Variants in PAFAH1B1 observed in about 807,000 individuals in gnomAD.
PAFAH1B1 encodes platelet activating factor acetylhydrolase 1b regulatory subunit 1.
A neutral mutation model predicts 57.5 loss-of-function variants in PAFAH1B1; 2 were observed. The ratio of observed to expected loss-of-function variants is 0.03; its 90% CI spans 0.01 to 0.11. The LOEUF (loss-of-function observed/expected upper bound fraction) is 0.11. Among genes scored for constraint, PAFAH1B1 ranks in the 10% least tolerant of loss-of-function variants. The probability of loss-of-function intolerance (pLI) is 1.00; values close to 1 mark genes in which losing one functional copy is unlikely to be tolerated. For missense variants in PAFAH1B1, 257 were observed against 512.0 expected (o/e 0.50, Z 4.81); for synonymous variants, 152 against 169.6 (o/e 0.90, Z 0.81).
At chr17:2,601,934 T>A (rs2068148722) in intron 1 of PAFAH1B1, among the ~76,000 whole-genome samples, 1 of 152,218 alleles carries the variant, frequency 6.6e-6, no homozygotes, top group African/African-American at 2.4e-5. Context: ...AGAAATGAGC[T>A]AAGATTTGTC....
chr17:2,596,931 T>C (rs2068089391), intron 1 of PAFAH1B1, among the ~76,000 whole-genome samples: 1 of 152,026 alleles, frequency 6.6e-6, no homozygotes, highest in South Asian at 2.1e-4. Context: ...TCTTGTGCCA[T>C]GCGCCTGTAA....
intron 2 of PAFAH1B1, among the ~76,000 whole-genome samples, chr17:2,644,320 T>C (rs1473374989): frequency 6.6e-6 from 1 of 152,138 alleles, no homozygotes; most frequent in African/African-American, 2.4e-5. Context: ...GACGGGTGCA[T>C]GACCTTAGGT....
intron 2 of PAFAH1B1, among the ~76,000 whole-genome samples, chr17:2,665,050 T>C (rs1416494827): frequency 6.6e-6 from 1 of 152,184 alleles, no homozygotes; most frequent in African/African-American, 2.4e-5. Context: ...CACAGAGCCA[T>C]AGCTTGATCT....
intron 1 of PAFAH1B1, among the ~76,000 whole-genome samples, chr17:2,626,547 C>G (rs1411076981): frequency 3.7e-5 from 3 of 81,082 alleles, no homozygotes; most frequent in African/African-American, 1.6e-4. Flanking sequence ...CCGGCATCAC[C>G]TTTCTTCCCC....
rs1003944153 is a variant in PAFAH1B1, at chr17:2,685,251, A to G, written c.*3449A>G. ...TATCTTCCCACTGTATCATGGAAGT[A>G]GCTGCTTGCTTGTACTGTCCATCCT... On this transcript the variant is annotated 3_prime_UTR_variant, in exon 11 of 11. Transcript: ENST00000397195. 2.0e-5 allele frequency: 3 copies of G among 152,608 alleles called. No individual in the cohort carries two copies. Among genetic ancestry groups the G allele is most frequent in the African/African-American group, 7.2e-5 (3 of 41,444 alleles). The allele number at this position is 152,608 out of a possible 1,614,324, so 9.5% of individuals were successfully genotyped here.
chr17:2,626,553 T>TTCCCC (rs2068493497), intron 1 of PAFAH1B1, among the ~76,000 whole-genome samples: 1 of 32,696 alleles, frequency 3.1e-5, no homozygotes, highest in African/African-American at 9.5e-5. Flanking sequence ...TCACCTTTCT[T>TTCCCC]CCCCCCCCCC....
chr17:2,676,687 A>G, intron 9 of PAFAH1B1, 81 bp downstream of exon 9: 2 of 853,736 alleles, frequency 2.3e-6, no homozygotes, highest in Non-Finnish European at 4.1e-6. Context: ...GATATCTTAA[A>G]TAATCTGAAT....
At chr17:2,597,468 T>C (rs1009984084) in intron 1 of PAFAH1B1, among the ~76,000 whole-genome samples, 1 of 135,160 alleles carries the variant, frequency 7.4e-6, no homozygotes, top group Non-Finnish European at 1.5e-5. Context: ...TAGAGTGCAG[T>C]GGGGTGATCT....
intron 2 of PAFAH1B1, chr17:2,661,881 T>G (rs2069018995): frequency 1.3e-5 from 2 of 151,982 alleles, no homozygotes; most frequent in Admixed American, 6.6e-5. Flanking sequence ...AAACCCCATC[T>G]CTACAAAAAA....
At chr17:2,676,457 A>G (rs1178921299) in intron 8 of PAFAH1B1, 48 bp from the exon 9 acceptor site, 1 of 1,157,366 alleles carries the variant, frequency 8.6e-7, no homozygotes, top group Non-Finnish European at 1.3e-6. Flanking sequence ...TAAAGTCCAT[A>G]CCTAACTTCT....
chr17:2,626,569 C>A (rs1019192258), intron 1 of PAFAH1B1, among the ~76,000 whole-genome samples: 10 of 74,524 alleles, frequency 1.3e-4, no homozygotes, highest in Non-Finnish European at 2.6e-4. Flanking sequence ...CCCCCCCCCC[C>A]CCGAGGCGGA....
chr17:2,595,420 G>GTTTT (rs1233555187), intron 1 of PAFAH1B1, among the ~76,000 whole-genome samples: 1 of 90,806 alleles, frequency 1.1e-5, no homozygotes, highest in South Asian at 3.1e-4. Context: ...AGGAGTGTTT[G>GTTTT]CTTTTTTTTT....
intron 1 of PAFAH1B1, chr17:2,614,027 T>TG (rs1220923353): frequency 7.0e-6 from 1 of 142,232 alleles, no homozygotes; most frequent in East Asian, 1.9e-4. Flanking sequence ...TTGGGTTTTT[T>TG]TTTTTTTTTT....
At chr17:2,652,534 G>A (rs1248557963) in intron 2 of PAFAH1B1, among the ~76,000 whole-genome samples, 1 of 152,198 alleles carries the variant, frequency 6.6e-6, no homozygotes, top group Non-Finnish European at 1.5e-5. Context: ...TTTGCAGTTA[G>A]TTGAGGTCCT....
chr17:2,621,643 T>A (rs1342060588), intron 1 of PAFAH1B1, among the ~76,000 whole-genome samples: 5 of 76,090 alleles, frequency 6.6e-5, no homozygotes, highest in Admixed American at 1.8e-4. Context: ...TTTTTTTTTT[T>A]GAGACAGGGT....
chr17:2,676,587 G>A lies in PAFAH1B1; in HGVS notation c.983G>A (p.Gly328Asp). The A allele has an allele frequency of 6.2e-7, 1 of 1,606,620 alleles. No individual in the cohort carries two copies. The highest frequency in any genetic ancestry group is 1.3e-5 in the African/African-American group (1 of 74,880). Reference sequence around the variant, plus strand: ...ATTAAGATGTGGGATGTCAGTACTGGCATGTGCCTTATGACCCTCGTAAGT... The same window carrying A: ...ATTAAGATGTGGGATGTCAGTACTGACATGTGCCTTATGACCCTCGTAAGT... Reference protein sequence around the residue: ...KTIKMWDVSTGMCLMTLVGHD... With the variant: ...KTIKMWDVSTDMCLMTLVGHD... The change falls in exon 9 of 11, where the codon GGC (glycine) becomes GAC (aspartate). Residue 328 changes from glycine to aspartate, a missense_variant. Physicochemically the swap from Gly to Asp is moderately conservative, Grantham distance 94 (BLOSUM62 -1). Coordinates refer to ENST00000397195, the MANE Select transcript of PAFAH1B1 (RefSeq NM_000430.4).
At chr17:2,632,965 T>C (rs1182069562) in intron 1 of PAFAH1B1, among the ~76,000 whole-genome samples, 1 of 152,110 alleles carries the variant, frequency 6.6e-6, no homozygotes, top group Non-Finnish European at 1.5e-5. Flanking sequence ...TTGATTTTTG[T>C]GGCAAGAATA....
chr17:2,677,523 C>T lies in PAFAH1B1; in HGVS notation c.1002+917C>T, dbSNP rs577405370. ...GTGATTGTCTCTCTGTAGGATATGA[C>T]AGACATATGTGGAAGCATCTTCAAG... On this transcript the variant is annotated intron_variant, in intron 9 of 10. Transcript: ENST00000397195. Among the ~76,000 whole-genome samples the T allele has an allele frequency of 2.6e-5, 4 of 151,268 alleles. No individual in the cohort carries two copies. In the East Asian group the frequency reaches 7.8e-4, roughly 30 times the overall value.
At chr17:2,650,976 A>G (rs577725663) in intron 2 of PAFAH1B1, among the ~76,000 whole-genome samples, 1 of 152,266 alleles carries the variant, frequency 6.6e-6, no homozygotes, top group South Asian at 2.1e-4. Context: ...CTTTAGATTC[A>G]TATTTGGGAA....
Sources: gnomAD v4.1 joint callset for allele counts (sites outside exome capture counted in the v4.1 genomes callset) on GRCh38, gnomAD v4.1.1 for gene constraint, MANE v1.5 for transcripts, NCBI Gene and HGNC (gene_info 2026-07-23, HGNC 2026-07-21) for gene names.